PPARGC1A: variants seen among roughly 807,000 people sequenced by gnomAD.
PPARGC1A encodes PPARG coactivator 1 alpha, also known as peroxisome proliferator-activated receptor gamma coactivator 1-alpha.
A neutral mutation model predicts 88.7 loss-of-function variants in PPARGC1A; 25 were observed. The ratio of observed to expected loss-of-function variants is 0.28; its 90% CI spans 0.21 to 0.39. PPARGC1A has a LOEUF of 0.39. PPARGC1A is among the 10% of genes least tolerant of loss of function. PPARGC1A has a pLI of 1.00. For missense variants in PPARGC1A, 880 were observed against 968.7 expected (o/e 0.91, Z 1.22); for synonymous variants, 363 against 355.6 (o/e 1.02, Z -0.24).
the PPARGC1A span, among the ~76,000 whole-genome samples, chr4:24,096,074 A>T: frequency 6.6e-6 from 1 of 152,140 alleles, no homozygotes; most frequent in African/African-American, 2.4e-5. Context: ...TGGATCATGG[A>T]GGTGGATTTT....
intron 5 of PPARGC1A, among the ~76,000 whole-genome samples, chr4:23,826,881 T>G (rs1724054728): frequency 6.6e-6 from 1 of 152,122 alleles, no homozygotes; most frequent in Non-Finnish European, 1.5e-5. Flanking sequence ...AAAACAACTT[T>G]AAAACCTGTG....
the PPARGC1A span, among the ~76,000 whole-genome samples, chr4:24,230,846 C>A: frequency 6.6e-6 from 1 of 151,172 alleles, no homozygotes; most frequent in African/African-American, 2.4e-5. Flanking sequence ...TAGAAAATGG[C>A]GACTGGAAGT....
At chr4:24,047,747 C>T in the PPARGC1A span, among the ~76,000 whole-genome samples, 1 of 152,154 alleles carries the variant, frequency 6.6e-6, no homozygotes, top group African/African-American at 2.4e-5. Context: ...GTAAACCAGG[C>T]CTATCTCAGG....
At chr4:23,969,362 G>T in the PPARGC1A span, among the ~76,000 whole-genome samples, 2 of 152,156 alleles carry the variant, frequency 1.3e-5, no homozygotes, top group Non-Finnish European at 2.9e-5. Context: ...GCAAACAAGG[G>T]AACTGAGTCC....
At chr4:24,169,426 A>G in the PPARGC1A span, among the ~76,000 whole-genome samples, 2 of 152,208 alleles carry the variant, frequency 1.3e-5, no homozygotes, top group African/African-American at 4.8e-5. Context: ...TATAACTATC[A>G]GTTCACTAAT....
chr4:24,185,415 G>GC, the PPARGC1A span, among the ~76,000 whole-genome samples: 1 of 152,106 alleles, frequency 6.6e-6, no homozygotes, highest in African/African-American at 2.4e-5. Context: ...AAAAGAAAAA[G>GC]ATAAGATGAG....
At chr4:23,808,578 C>T (rs1281264688) in intron 10 of PPARGC1A, among the ~76,000 whole-genome samples, 1 of 152,162 alleles carries the variant, frequency 6.6e-6, no homozygotes, top group East Asian at 1.9e-4. Context: ...AAGTACTAAA[C>T]TCTGGTTTGC....
chr4:24,448,012 C>T, the PPARGC1A span, among the ~76,000 whole-genome samples: 3,147 of 152,318 alleles, frequency 0.021, 49 homozygotes, highest in Middle Eastern at 0.058. Flanking sequence ...CTGCAGTGCA[C>T]CCTTCTCATC....
At chr4:24,057,847 G>T in the PPARGC1A span, among the ~76,000 whole-genome samples, 1 of 152,372 alleles carries the variant, frequency 6.6e-6, no homozygotes, top group South Asian at 2.1e-4. Flanking sequence ...TCAGGGAATT[G>T]CTCCAGCAAT....
At chr4:23,980,525 A>T in the PPARGC1A span, among the ~76,000 whole-genome samples, 1 of 152,202 alleles carries the variant, frequency 6.6e-6, no homozygotes, top group Admixed American at 6.5e-5. Context: ...AGTTGGAAAC[A>T]AAAGTACCCA....
chr4:24,100,236 C>G, the PPARGC1A span, among the ~76,000 whole-genome samples: 4 of 152,236 alleles, frequency 2.6e-5, no homozygotes, highest in South Asian at 8.3e-4. Context: ...GGACACTTAC[C>G]TTGAAGGTCT....
Position 23,814,334 on chromosome 4 carries a change from G to C in PPARGC1A, c.1149C>G (p.Asp383Glu). The C allele has an allele frequency of 6.2e-7, 1 of 1,614,026 alleles. No homozygotes were observed. The highest frequency in any genetic ancestry group is 8.5e-7 in the Non-Finnish European group (1 of 1,179,984). ...TKRPSLRLFG[D>E]HDYCQSINSK... ...AATTAATTGACTGGCAATAGTCATGGTCACCAAACAGCCGCAGACTGGGCC... is the reference window on the plus strand; with the variant it reads ...AATTAATTGACTGGCAATAGTCATGCTCACCAAACAGCCGCAGACTGGGCC... The change falls in exon 8 of 13, where the codon GAC becomes GAG. Residue 383 changes from aspartate (D) to glutamate (E), a missense_variant. Physicochemically the swap from Asp to Glu is conservative, Grantham distance 45. Coordinates refer to ENST00000264867, the MANE Select transcript of PPARGC1A (RefSeq NM_013261.5).
At chr4:24,377,350 G>C in the PPARGC1A span, among the ~76,000 whole-genome samples, 679 of 152,098 alleles carry the variant, frequency 4.5e-3, no homozygotes, top group Non-Finnish European at 8.1e-3. Flanking sequence ...GGCACAAGTA[G>C]AAGCCAAAAG....
chr4:23,960,343 C>T, the PPARGC1A span, among the ~76,000 whole-genome samples: 1 of 152,044 alleles, frequency 6.6e-6, no homozygotes, highest in South Asian at 2.1e-4. Context: ...GCTGAACATT[C>T]TACATCACAC....
At chr4:23,838,634 T>G (rs964329637) in intron 2 of PPARGC1A, among the ~76,000 whole-genome samples, 20 of 152,182 alleles carry the variant, frequency 1.3e-4, no homozygotes, top group African/African-American at 4.6e-4. Flanking sequence ...CCATGAGAGA[T>G]AAGCACATTA....
intron 7 of PPARGC1A, among the ~76,000 whole-genome samples, chr4:23,818,861 T>C (rs1326570913): frequency 6.9e-6 from 1 of 144,852 alleles, no homozygotes; most frequent in East Asian, 2.0e-4. Context: ...TTTTTTTTTT[T>C]TTTTTTTGGA....
intron 5 of PPARGC1A, among the ~76,000 whole-genome samples, chr4:23,826,207 AG>A (rs1723895775): frequency 6.6e-6 from 1 of 152,148 alleles, no homozygotes; most frequent in African/African-American, 2.4e-5. Context: ...AGCCATAAGA[AG>A]GGGACAGTCC....
At chr4:23,956,925 G>A in the PPARGC1A span, among the ~76,000 whole-genome samples, 745 of 152,138 alleles carry the variant, frequency 4.9e-3, 8 homozygotes, top group African/African-American at 0.017. Flanking sequence ...TCAGACTAGC[G>A]CATGAGGTAG....
the PPARGC1A span, among the ~76,000 whole-genome samples, chr4:24,419,435 C>T: frequency 8.3e-5 from 12 of 144,848 alleles, no homozygotes; most frequent in East Asian, 1.4e-3. Context: ...AAATAATCCC[C>T]TTCCCCTTAG....
Sources: allele counts gnomAD v4.1 joint callset (sites outside exome capture counted in the v4.1 genomes callset), GRCh38; gene constraint gnomAD v4.1.1; transcripts MANE v1.5; gene names NCBI Gene and HGNC (gene_info 2026-07-23, HGNC 2026-07-21).